Variants in NXPE2 observed in about 807,000 individuals in gnomAD.
NXPE2 encodes the protein NXPE family member 2.
Under a neutral mutation model 34.4 loss-of-function variants are expected in NXPE2, and 34 were observed. That is an observed-to-expected ratio of 0.99 (90% CI 0.75 to 1.31). The LOEUF (loss-of-function observed/expected upper bound fraction) is 1.31, where lower values mean the gene tolerates loss of function less well. Ranked by LOEUF, NXPE2 falls within the 40% of genes most tolerant of loss-of-function variation. The pLI, the probability that NXPE2 is intolerant of heterozygous loss-of-function variation, is 0.00. For missense variants in NXPE2, 649 were observed against 672.5 expected (o/e 0.97, Z 0.39); for synonymous variants, 235 against 231.3 (o/e 1.02, Z -0.15).
the NXPE2 span, among the ~76,000 whole-genome samples, chr11:114,796,998 G>C: frequency 6.6e-6 from 1 of 152,216 alleles, no homozygotes. Context: ...CAGAAAGCTG[G>C]AGATGTAAAC....
At chr11:114,711,774 G>A (rs1859618531), downstream of NXPE2, among the ~76,000 whole-genome samples, 2 of 152,074 alleles carry the variant, frequency 1.3e-5, no homozygotes, top group Non-Finnish European at 2.9e-5. Context: ...AGAATCTCAA[G>A]GGATGTTGAG....
At chr11:114,701,258 A>C (rs1951359636) in intron 3 of NXPE2, among the ~76,000 whole-genome samples, 1 of 152,108 alleles carries the variant, frequency 6.6e-6, no homozygotes, top group Non-Finnish European at 1.5e-5. Context: ...TATATGTTTT[A>C]TATGTGCCTG....
the NXPE2 span, among the ~76,000 whole-genome samples, chr11:114,642,035 T>G: frequency 6.6e-6 from 1 of 152,172 alleles, no homozygotes; most frequent in South Asian, 2.1e-4. Flanking sequence ...ATTCTCTGCA[T>G]AGTTATTTCT....
chr11:114,615,871 A>G, the NXPE2 span, among the ~76,000 whole-genome samples: 29 of 151,716 alleles, frequency 1.9e-4, 1 homozygote, highest in African/African-American at 5.3e-4. Context: ...AAGCACTGTG[A>G]CCTGGTCAAT....
the NXPE2 span, chr11:114,571,343 G>A: frequency 6.2e-7 from 1 of 1,613,934 alleles, no homozygotes; most frequent in South Asian, 1.1e-5. Context: ...CCATCTCTTT[G>A]ACTGAATAGG....
At chr11:114,741,054 A>G in the NXPE2 span, among the ~76,000 whole-genome samples, 3 of 152,130 alleles carry the variant, frequency 2.0e-5, no homozygotes, top group African/African-American at 7.2e-5. Flanking sequence ...GAAAGTCTTT[A>G]TCTCTTCCTC....
At chr11:114,695,714 C>T (rs1440429512) in intron 2 of NXPE2, among the ~76,000 whole-genome samples, 2 of 152,050 alleles carry the variant, frequency 1.3e-5, no homozygotes, top group Non-Finnish European at 2.9e-5. Context: ...AGAAATTGGC[C>T]GGGCACAGTG....
At chr11:114,689,689 G>C (rs1319346894) in intron 2 of NXPE2, among the ~76,000 whole-genome samples, 1 of 151,850 alleles carries the variant, frequency 6.6e-6, no homozygotes, top group Non-Finnish European at 1.5e-5. Context: ...CTGTCAGTGG[G>C]GTGTTGAAGT....
At chr11:114,771,001 C>A in the NXPE2 span, among the ~76,000 whole-genome samples, 1 of 152,050 alleles carries the variant, frequency 6.6e-6, no homozygotes. Flanking sequence ...ATGTTTATTG[C>A]AGATATATTA....
chr11:114,750,777 A>G, the NXPE2 span, among the ~76,000 whole-genome samples: 4 of 152,228 alleles, frequency 2.6e-5, no homozygotes, highest in African/African-American at 9.6e-5. Flanking sequence ...CTCTGATATT[A>G]GTTGTCTTGC....
At chr11:114,532,626 C>G in the NXPE2 span, among the ~76,000 whole-genome samples, 3 of 151,986 alleles carry the variant, frequency 2.0e-5, no homozygotes, top group Non-Finnish European at 2.9e-5. Context: ...ATATTTTATA[C>G]TAAAACTAGG....
the NXPE2 span, among the ~76,000 whole-genome samples, chr11:114,632,996 T>C: frequency 1.3e-4 from 14 of 105,740 alleles, no homozygotes; most frequent in African/African-American, 5.1e-4. Context: ...TTATATAATA[T>C]ATAATAATAT....
At chr11:114,482,849 G>C in the NXPE2 span, among the ~76,000 whole-genome samples, 1 of 152,138 alleles carries the variant, frequency 6.6e-6, no homozygotes, top group Non-Finnish European at 1.5e-5. Context: ...TGCCTTGAGA[G>C]ATCTGCGAAT....
chr11:114,750,317 G>T, the NXPE2 span, among the ~76,000 whole-genome samples: 3 of 152,078 alleles, frequency 2.0e-5, no homozygotes, highest in Non-Finnish European at 4.4e-5. Context: ...ACATGTCTGC[G>T]GACAAGTTTT....
At chr11:114,571,245 G>A in the NXPE2 span, 7 of 1,613,906 alleles carry the variant, frequency 4.3e-6, no homozygotes, top group East Asian at 1.6e-4. Flanking sequence ...AACATCAATG[G>A]GAAAGGGTCT....
At chr11:114,517,732 A>C in the NXPE2 span, 2 of 152,290 alleles carry the variant, frequency 1.3e-5, no homozygotes, top group Non-Finnish European at 1.5e-5. Flanking sequence ...AAGAGAATAG[A>C]GAAACCAGAG....
At chr11:114,569,537 GCCCCAT>G in the NXPE2 span, among the ~76,000 whole-genome samples, 1 of 152,138 alleles carries the variant, frequency 6.6e-6, no homozygotes, top group Non-Finnish European at 1.5e-5. Context: ...CTGGTACTCT[GCCCCAT>G]GGGGCACCTC....
the NXPE2 span, among the ~76,000 whole-genome samples, chr11:114,796,768 C>T: frequency 6.6e-6 from 1 of 152,170 alleles, no homozygotes; most frequent in Non-Finnish European, 1.5e-5. Context: ...TAACCAATCC[C>T]AACATAGAGT....
chr11:114,702,924 T>G (rs1447377963), intron 3 of NXPE2, among the ~76,000 whole-genome samples: 1 of 152,174 alleles, frequency 6.6e-6, no homozygotes, highest in Non-Finnish European at 1.5e-5. Context: ...CTATCCCTTT[T>G]GAAGGTTTCT....
Sources: allele counts gnomAD v4.1 joint callset (sites outside exome capture counted in the v4.1 genomes callset), GRCh38; gene constraint gnomAD v4.1.1; transcripts MANE v1.5; gene names NCBI Gene and HGNC (gene_info 2026-07-23, HGNC 2026-07-21).